The following LTA4H variants were observed in gnomAD, a reference collection of about 807,000 sequenced individuals.
LTA4H encodes leukotriene A4 hydrolase.
A neutral mutation model predicts 89.8 loss-of-function variants in LTA4H; 59 were observed. That is an observed-to-expected ratio of 0.66 (90% CI 0.53 to 0.82). The LOEUF (loss-of-function observed/expected upper bound fraction) is 0.82. LTA4H is among the 40% of genes least tolerant of loss of function. The pLI, the probability that LTA4H is intolerant of heterozygous loss-of-function variation, is 0.00. For synonymous variants in LTA4H, 227 were observed against 253.1 expected, an observed-to-expected ratio of 0.90 and a Z score of 0.98; for missense variants, 617 against 727.0, an observed-to-expected ratio of 0.85 and a Z score of 1.74.
chr12:96,020,817 T>A (rs753908792), intron 6 of LTA4H: 4 of 327,004 alleles, frequency 1.2e-5, no homozygotes, highest in Non-Finnish European at 2.3e-5. Flanking sequence ...AGATTGAGAG[T>A]GACTTGTTCA....
intron 13 of LTA4H, 46 bp downstream of exon 13, chr12:96,013,703 TA>T (rs766384091): frequency 2.1e-5 from 20 of 964,268 alleles, no homozygotes; most frequent in Non-Finnish European, 3.3e-5. Flanking sequence ...AGTCAATAAA[TA>T]GAGATATATC....
At position 96,017,126 on chromosome 12, in the gene LTA4H, A is replaced by G. The variant is rs751969294; in HGVS notation, c.877-12T>C. On this transcript the variant is annotated splice_polypyrimidine_tract_variant and intron_variant, in intron 9 of 18. Coordinates refer to ENST00000228740, the MANE Select transcript of LTA4H (RefSeq NM_000895.3). ...TCATGTGCAATGACCTAAAGAAAAC[A>G]GTGTGATTAATAGTAAGACTGATTA... is the stretch of plus-strand genomic sequence containing the variant. 6.4e-7 allele frequency: 1 copy of G among 1,563,970 alleles called. No individual in the cohort carries two copies. The highest frequency in any genetic ancestry group is 8.8e-7 in the Non-Finnish European group (1 of 1,134,506).
chr12:96,010,081 A>AG, intron 14 of LTA4H: 1 of 152,342 alleles, frequency 6.6e-6, no homozygotes, highest in Middle Eastern at 3.4e-3. Context: ...GTGGGATCAG[A>AG]GGTCCTTGAC....
intron 3 of LTA4H, among the ~76,000 whole-genome samples, chr12:96,026,176 T>C (rs1048585763): frequency 3.3e-5 from 5 of 152,200 alleles, no homozygotes; most frequent in African/African-American, 1.2e-4. Context: ...CATGCCTCTA[T>C]AGTTCCTTAA....
At chr12:96,017,514 A>G (rs377380804) in intron 9 of LTA4H, 43 bp downstream of exon 9, 18 of 1,543,700 alleles carry the variant, frequency 1.2e-5, no homozygotes, top group Non-Finnish European at 1.3e-5. Flanking sequence ...AGTTGACGTA[A>G]TACTTCTTGA....
intron 1 of LTA4H, among the ~76,000 whole-genome samples, chr12:96,032,388 T>C (rs1366459247): frequency 6.6e-6 from 1 of 152,198 alleles, no homozygotes; most frequent in Non-Finnish European, 1.5e-5. Flanking sequence ...GGCACTATTA[T>C]CAATGTAGCC....
At chr12:96,010,074 G>T (rs1366155557) in intron 14 of LTA4H, 2 of 152,108 alleles carry the variant, frequency 1.3e-5, no homozygotes, top group Non-Finnish European at 2.9e-5. Context: ...AGAACAGGTG[G>T]GATCAGAGGT....
Position 96,017,048 on chromosome 12 carries a change from AG to A in LTA4H, c.942del (p.Trp316GlyfsTer2). 1 of 1,608,714 alleles carries A rather than the reference AG, an allele frequency of 6.2e-7. No homozygotes were observed. Among genetic ancestry groups the A allele is most frequent in the Non-Finnish European group, 8.5e-7 (1 of 1,175,196 alleles). On this transcript the variant is annotated frameshift_variant, in exon 10 of 19. Coordinates refer to ENST00000228740, the MANE Select transcript of LTA4H (RefSeq NM_000895.3). LOFTEE classifies it high-confidence loss of function. ...AAATAATAACAAAAATCTTACCAAA[AG>A]TGATCCCAAGTTTTGTTGGTCACTA... The part of the protein sequence containing the change: ...GNLVTNKTWD[H>X]FWLNEGHTVY...
chr12:96,035,604 A>C, upstream of LTA4H: 1 of 1,473,224 alleles, frequency 6.8e-7, no homozygotes, highest in African/African-American at 1.4e-5. Context: ...AGGAGGAGGG[A>C]GAGAGGTAAA....
rs1433509127 is a variant in LTA4H at position 96,022,099 on chromosome 12, T to C, written c.585+48A>G. ...GCCCTCTGGATGTGTACAAGCTAAC[T>C]GTAGTTTACCGCCAATGAAAACAAA... On this transcript the variant is annotated intron_variant, in intron 5 of 18. Transcript: ENST00000228740. The surrounding 1 kb of genome is among the most constrained non-coding windows in gnomAD (Gnocchi z 4.0). 1 of 1,227,970 alleles carries C rather than the reference T, an allele frequency of 8.1e-7. No individual in the cohort carries two copies. The highest frequency in any genetic ancestry group is 2.3e-5 in the East Asian group (1 of 43,036). The allele number at this position is 1,227,970 out of a possible 1,614,324, so 76.1% of individuals were successfully genotyped here. A position where few individuals can be genotyped will look rare whatever the true frequency, so the allele number is the denominator to read the frequency against.
intron 1 of LTA4H, among the ~76,000 whole-genome samples, chr12:96,042,340 A>T (rs994556936): frequency 6.6e-6 from 1 of 152,148 alleles, no homozygotes; most frequent in African/African-American, 2.4e-5. Context: ...CTGAGTGGTT[A>T]AATTAAATAT....
At chr12:96,032,757 A>T (rs191905892) in intron 1 of LTA4H, among the ~76,000 whole-genome samples, 1 of 152,356 alleles carries the variant, frequency 6.6e-6, no homozygotes, top group East Asian at 1.9e-4. Context: ...AGAAATCACT[A>T]TTTTAAAATC....
chr12:96,037,666 T>C (rs189248322), upstream of LTA4H, among the ~76,000 whole-genome samples: 117 of 149,108 alleles, frequency 7.8e-4, 1 homozygote, highest in African/African-American at 2.7e-3. Flanking sequence ...AAGGGGAAGC[T>C]AGAGAGGAAT....
intron 14 of LTA4H, chr12:96,009,805 T>C (rs1950269193): frequency 1.3e-5 from 2 of 152,270 alleles, no homozygotes; most frequent in African/African-American, 4.8e-5. Flanking sequence ...ACATCCCTCT[T>C]TCTCCGTAAA....
intron 1 of LTA4H, among the ~76,000 whole-genome samples, chr12:96,031,336 T>C (rs1950569136): frequency 6.6e-6 from 1 of 152,174 alleles, no homozygotes; most frequent in Non-Finnish European, 1.5e-5. Flanking sequence ...AAACAAAAAA[T>C]GCAATGTTTA....
Position 96,024,488 on chromosome 12 carries a change from A to C in LTA4H, c.471T>G (p.Tyr157Ter). The change falls in exon 4 of 19, where the codon TAT (tyrosine) becomes TAG (stop). Residue 157 changes from tyrosine (Y) to a stop codon, truncating the protein, a stop_gained. Coordinates refer to ENST00000228740, the MANE Select transcript of LTA4H (RefSeq NM_000895.3). LOFTEE classifies it high-confidence loss of function. ...CQDTPSVKLTYTAEVSVPKEL... is the reference protein window; with the variant it reads ...CQDTPSVKLT ...AATTCGTAATATTTACCTCTGCAGT[A>C]TAGGTTAATTTCACAGAAGGAGTGT... 1 of 1,602,322 alleles carries C rather than the reference A, an allele frequency of 6.2e-7. No homozygotes were observed. Among genetic ancestry groups the C allele is most frequent in the Non-Finnish European group, 8.5e-7 (1 of 1,169,606 alleles).
chr12:96,002,602 C>T (rs1180715195), intron 18 of LTA4H, among the ~76,000 whole-genome samples: 1 of 152,160 alleles, frequency 6.6e-6, no homozygotes, highest in Non-Finnish European at 1.5e-5. Context: ...GCTTTATCTG[C>T]TTATTTCTCC....
intron 14 of LTA4H, chr12:96,010,186 T>C (rs1476405964): frequency 6.6e-6 from 1 of 152,216 alleles, no homozygotes; most frequent in African/African-American, 2.4e-5. Flanking sequence ...GTCTGTTTCT[T>C]CGTGTCCTGA....
At chr12:96,034,504 C>T (rs1950613503) in intron 1 of LTA4H, among the ~76,000 whole-genome samples, 1 of 152,184 alleles carries the variant, frequency 6.6e-6, no homozygotes, top group Admixed American at 6.5e-5. Flanking sequence ...AACTACTTGG[C>T]TCCTTGGAAC....
Sources: gnomAD v4.1 joint callset for allele counts (sites outside exome capture counted in the v4.1 genomes callset) on GRCh38, gnomAD v4.1.1 for gene constraint, Gnocchi (gnomAD v3.1) non-coding constraint, MANE v1.5 for transcripts, NCBI Gene and HGNC (gene_info 2026-07-23, HGNC 2026-07-21) for gene names.